The following AFAP1L1 variants were observed in gnomAD, a reference collection of about 807,000 sequenced individuals.
AFAP1L1 encodes actin filament-associated protein 1-like 1.
AFAP1L1 carries 77 observed loss-of-function variants against 99.8 expected under a neutral mutation model. The ratio of observed to expected loss-of-function variants is 0.77; its 90% CI spans 0.64 to 0.93. The LOEUF is 0.93. Ranked by LOEUF, AFAP1L1 falls within the 40% of genes least tolerant of loss-of-function variation. The pLI, the probability that AFAP1L1 is intolerant of heterozygous loss-of-function variation, is 0.00. For synonymous variants in AFAP1L1, 373 were observed against 395.3 expected, an observed-to-expected ratio of 0.94 and a Z score of 0.67; for missense variants, 893 against 996.8, an observed-to-expected ratio of 0.90 and a Z score of 1.40.
chr5:149,278,160 C>G (rs910120273), intron 1 of AFAP1L1, among the ~76,000 whole-genome samples: 5 of 152,218 alleles, frequency 3.3e-5, no homozygotes, highest in Non-Finnish European at 7.3e-5. Flanking sequence ...TCTTAATCTT[C>G]AAGAAAACCT....
Position 149,322,605 on chromosome 5 carries a change from G to A in AFAP1L1, c.1699-1G>A, listed in dbSNP as rs1416616782. 6.4e-7 allele frequency: 1 copy of A among 1,566,624 alleles called. No individual in the cohort carries two copies. The highest frequency in any genetic ancestry group is 8.7e-7 in the Non-Finnish European group (1 of 1,154,334). ...GACTGTCTTCCTCCATCTCCCACCA[G>A]GACGAGGAGCCCGAGCGCCCCACAG... On this transcript the variant is annotated splice_acceptor_variant, in intron 14 of 18. Coordinates refer to ENST00000296721, the MANE Select transcript of AFAP1L1 (RefSeq NM_152406.4). LOFTEE classifies it high-confidence loss of function.
At chr5:149,278,861 A>G (rs546502064) in intron 1 of AFAP1L1, among the ~76,000 whole-genome samples, 1 of 152,018 alleles carries the variant, frequency 6.6e-6, no homozygotes, top group South Asian at 2.1e-4. Context: ...TGATCTCCTG[A>G]CCACCTCAGC....
chr5:149,279,028 A>G (rs1755431342), intron 1 of AFAP1L1, among the ~76,000 whole-genome samples: 1 of 152,164 alleles, frequency 6.6e-6, no homozygotes, highest in Non-Finnish European at 1.5e-5. Flanking sequence ...GGGTGACCCA[A>G]TTTTGAGCTC....
chr5:149,318,089 T>A, intron 12 of AFAP1L1, 149 bp downstream of exon 12: 1 of 895,276 alleles, frequency 1.1e-6, no homozygotes, highest in Non-Finnish European at 1.7e-6. Context: ...GTGACCCAAG[T>A]AGATTATAAG....
Position 149,310,113 on chromosome 5 carries a change from A to T in AFAP1L1, c.905A>T (p.Glu302Val). 6.2e-7 allele frequency: 1 copy of T among 1,608,466 alleles called. No individual in the cohort carries two copies. Among genetic ancestry groups the T allele is most frequent in the African/African-American group, 1.3e-5 (1 of 74,966 alleles). Residue 302 changes from glutamate to valine, a missense_variant, in exon 8 of 19, where the codon GAG (glutamate) becomes GTG (valine). By Grantham distance (121) the Glu-to-Val change is moderately radical (BLOSUM62 -2). Coordinates refer to ENST00000296721, the MANE Select transcript of AFAP1L1 (RefSeq NM_152406.4). ...EVLVLALQSR[E>V]QAEEWLKVIR... ...TTGGTGCTGGCACTGCAGAGCCGAG[A>T]GCAGGCCGAGGAGTGGCTGAAGGTG...
intron 15 of AFAP1L1, among the ~76,000 whole-genome samples, chr5:149,327,663 A>G (rs931942803): frequency 2.0e-5 from 3 of 152,180 alleles, no homozygotes; most frequent in Non-Finnish European, 4.4e-5. Context: ...AACTCACTCA[A>G]TGGGCACAAC....
intron 8 of AFAP1L1, among the ~76,000 whole-genome samples, chr5:149,310,672 AT>A (rs945126154): frequency 1.3e-5 from 2 of 152,138 alleles, no homozygotes; most frequent in South Asian, 2.1e-4. Context: ...GGGACAAAAT[AT>A]TATTGTTCCC....
At chr5:149,275,514 A>G (rs1387883567) in intron 1 of AFAP1L1, among the ~76,000 whole-genome samples, 3 of 147,552 alleles carry the variant, frequency 2.0e-5, no homozygotes, top group Admixed American at 2.0e-4. Flanking sequence ...TTCATTTTTT[A>G]ATTTTTTTTG....
At chr5:149,315,630 A>G (rs1393598963) in intron 9 of AFAP1L1, 191 bp from the exon 10 acceptor site, 1 of 584,154 alleles carries the variant, frequency 1.7e-6, no homozygotes, top group Non-Finnish European at 3.1e-6. Context: ...GCCCAAAGAC[A>G]CAACCATATC....
chr5:149,309,959 T>A lies in AFAP1L1; in HGVS notation c.751T>A (p.Tyr251Asn), dbSNP rs776003744. ...TVIREDQLLC[Y>N]KSSKDRQPHL... ...ATGTGTTTCTCTCCCTGTCCAGTGT[T>A]ACAAAAGCTCCAAGGATCGGCAGCC... The change falls in exon 8 of 19, where the codon TAC becomes AAC. Residue 251 changes from tyrosine to asparagine, a missense_variant. Transcript: ENST00000296721. The A allele has an allele frequency of 1.9e-6, 3 of 1,614,162 alleles. No homozygotes were observed. The highest frequency in any genetic ancestry group is 2.5e-6 in the Non-Finnish European group (3 of 1,180,030).
intron 12 of AFAP1L1, 27 bp downstream of exon 12, chr5:149,317,967 G>T: frequency 6.4e-7 from 1 of 1,552,128 alleles, no homozygotes; most frequent in East Asian, 2.4e-5. Context: ...GGACGTGGGT[G>T]GCTCTTGGTC....
chr5:149,276,166 G>A (rs1311289602), intron 1 of AFAP1L1, among the ~76,000 whole-genome samples: 1 of 152,162 alleles, frequency 6.6e-6, no homozygotes, highest in Non-Finnish European at 1.5e-5. Flanking sequence ...TCAGGCCCCA[G>A]ACATCTCCAT....
At chr5:149,272,125 G>A in intron 1 of AFAP1L1, 141 bp downstream of exon 1, 5 of 933,246 alleles carry the variant, frequency 5.4e-6, no homozygotes, top group Non-Finnish European at 7.0e-6. Context: ...ACTGGGAGAC[G>A]CGGCGCTTAT....
chr5:149,289,497 G>A (rs985322536), intron 1 of AFAP1L1, among the ~76,000 whole-genome samples: 9 of 151,912 alleles, frequency 5.9e-5, no homozygotes, highest in African/African-American at 2.2e-4. Context: ...CAGCCCGCAT[G>A]TACAGTGGGC....
At chr5:149,303,853 T>A (rs1290429224) in intron 5 of AFAP1L1, among the ~76,000 whole-genome samples, 1 of 152,242 alleles carries the variant, frequency 6.6e-6, no homozygotes, top group Non-Finnish European at 1.5e-5. Context: ...TGGGTGAATT[T>A]TTTTACTGTG....
In AFAP1L1 at chr5:149,316,136, C is replaced by A; in HGVS notation, c.1115-15C>A. 6.2e-7 allele frequency: 1 copy of A among 1,611,196 alleles called. No individual in the cohort carries two copies. Among genetic ancestry groups the A allele is most frequent in the Non-Finnish European group, 8.5e-7 (1 of 1,177,892 alleles). On this transcript the variant is annotated splice_polypyrimidine_tract_variant and intron_variant, in intron 10 of 18. Coordinates refer to ENST00000296721, the MANE Select transcript of AFAP1L1 (RefSeq NM_152406.4). The stretch of plus-strand genomic sequence containing the variant: ...TCAGGGCTCCCTCCACTCCCCTGAC[C>A]CATTTCCCCAACAGGCAAAGGGAAG...
chr5:149,338,148 C>T (rs190219928), intron 18 of AFAP1L1, among the ~76,000 whole-genome samples: 12 of 152,356 alleles, frequency 7.9e-5, no homozygotes, highest in Non-Finnish European at 1.5e-4. Context: ...TCTAGGATCA[C>T]ACCAGCACGG....
intron 5 of AFAP1L1, 185 bp downstream of exon 5, chr5:149,302,711 A>C: frequency 4.5e-5 from 22 of 490,152 alleles, no homozygotes; most frequent in Non-Finnish European, 6.0e-5. Flanking sequence ...GTGGACCAAT[A>C]TGTGGGGCCC....
intron 6 of AFAP1L1, 93 bp from the exon 7 acceptor site, chr5:149,307,309 C>T (rs1221494416): frequency 7.4e-7 from 1 of 1,358,332 alleles, no homozygotes; most frequent in Non-Finnish European, 1.0e-6. Context: ...GCCTTCCTAG[C>T]CTCAGTCCCC....
Sources: gnomAD v4.1 joint callset for allele counts (sites outside exome capture counted in the v4.1 genomes callset) on GRCh38, gnomAD v4.1.1 for gene constraint, MANE v1.5 for transcripts, NCBI Gene and HGNC (gene_info 2026-07-23, HGNC 2026-07-21) for gene names.